Variants in CTNNA3 observed in about 807,000 individuals in gnomAD.
The protein encoded by CTNNA3 is catenin alpha 3, also known as catenin alpha-3.
CTNNA3 carries 76 observed loss-of-function variants against 95.7 expected under a neutral mutation model. The observed-to-expected ratio is 0.79, with a 90% confidence interval of 0.66 to 0.96. The LOEUF (loss-of-function observed/expected upper bound fraction) is 0.96, where lower values mean the gene tolerates loss of function less well. Ranked by LOEUF, CTNNA3 falls within the 40% of genes least tolerant of loss-of-function variation. The probability of loss-of-function intolerance (pLI) is 0.00; values close to 1 mark genes in which losing one functional copy is unlikely to be tolerated. For synonymous variants in CTNNA3, 431 were observed against 374.4 expected, an observed-to-expected ratio of 1.15 and a Z score of -1.74; for missense variants, 1,191 against 1,089.8, an observed-to-expected ratio of 1.09 and a Z score of -1.31.
chr10:66,269,046 A>C (rs779437170), intron 13 of CTNNA3, among the ~76,000 whole-genome samples: 53 of 152,202 alleles, frequency 3.5e-4, no homozygotes, highest in Non-Finnish European at 6.0e-4. Context: ...TGTTATTCTA[A>C]CTACTACAAA....
intron 3 of CTNNA3, among the ~76,000 whole-genome samples, chr10:67,603,306 G>A (rs1378516687): frequency 6.6e-6 from 1 of 152,164 alleles, no homozygotes; most frequent in African/African-American, 2.4e-5. Flanking sequence ...CAACAGATGC[G>A]TACATGACGG....
At chr10:65,976,130 T>C (rs1009562854) in intron 16 of CTNNA3, among the ~76,000 whole-genome samples, 2 of 152,176 alleles carry the variant, frequency 1.3e-5, no homozygotes, top group African/African-American at 4.8e-5. Context: ...AAACATAATC[T>C]GGCTACACCT....
intron 5 of CTNNA3, among the ~76,000 whole-genome samples, chr10:67,438,623 T>C (rs1028505408): frequency 6.6e-6 from 1 of 152,176 alleles, no homozygotes; most frequent in African/African-American, 2.4e-5. Context: ...TAACTTCATA[T>C]TGCTGAAAGA....
At chr10:67,361,050 TAA>T (rs1047395163) in intron 5 of CTNNA3, among the ~76,000 whole-genome samples, 9 of 149,892 alleles carry the variant, frequency 6.0e-5, no homozygotes, top group Non-Finnish European at 8.9e-5. Flanking sequence ...TACATAATGA[TAA>T]AGTGTTCAAT....
intron 9 of CTNNA3, among the ~76,000 whole-genome samples, chr10:66,694,607 T>C (rs1847687882): frequency 1.3e-5 from 2 of 152,320 alleles, no homozygotes; most frequent in East Asian, 1.9e-4. Flanking sequence ...CCCTAACTCA[T>C]TTTAATTTTT....
At chr10:66,662,521 C>A (rs1846298887) in intron 9 of CTNNA3, among the ~76,000 whole-genome samples, 1 of 152,082 alleles carries the variant, frequency 6.6e-6, no homozygotes, top group African/African-American at 2.4e-5. Context: ...ATAGAAGCAA[C>A]TGGAAGAGCT....
At chr10:66,856,799 T>G (rs1843700687) in intron 7 of CTNNA3, among the ~76,000 whole-genome samples, 1 of 152,128 alleles carries the variant, frequency 6.6e-6, no homozygotes, top group Non-Finnish European at 1.5e-5. Context: ...AGATTCTGAA[T>G]ATTAGACTTT....
At chr10:67,690,830 T>C (rs948056305) in intron 1 of CTNNA3, among the ~76,000 whole-genome samples, 1 of 152,074 alleles carries the variant, frequency 6.6e-6, no homozygotes, top group Non-Finnish European at 1.5e-5. Context: ...AATGAGTGCT[T>C]CCTTCATCTA....
At chr10:66,146,656 A>C (rs1276279626) in intron 13 of CTNNA3, among the ~76,000 whole-genome samples, 2 of 152,170 alleles carry the variant, frequency 1.3e-5, no homozygotes, top group Non-Finnish European at 2.9e-5. Flanking sequence ...TCCTGGGCTC[A>C]AGTGATCCAC....
At chr10:65,927,840 A>G (rs2077190411) in intron 17 of CTNNA3, among the ~76,000 whole-genome samples, 1 of 152,128 alleles carries the variant, frequency 6.6e-6, no homozygotes, top group South Asian at 2.1e-4. Flanking sequence ...TCTGTTGTTA[A>G]GTATGTTTCT....
chr10:67,146,634 T>C (rs568919316), intron 7 of CTNNA3, among the ~76,000 whole-genome samples: 2 of 152,346 alleles, frequency 1.3e-5, no homozygotes, highest in East Asian at 3.9e-4. Flanking sequence ...ACAGGATTGG[T>C]GGGATTTAAG....
At chr10:67,235,763 C>T (rs1174314628) in intron 5 of CTNNA3, among the ~76,000 whole-genome samples, 1 of 144,216 alleles carries the variant, frequency 6.9e-6, no homozygotes, top group Non-Finnish European at 1.5e-5. Context: ...GCAATCTACT[C>T]ATCTGACAAA....
At chr10:67,324,259 C>T (rs990169039) in intron 5 of CTNNA3, among the ~76,000 whole-genome samples, 26 of 152,042 alleles carry the variant, frequency 1.7e-4, no homozygotes, top group African/African-American at 6.3e-4. Context: ...ACTTCCAATA[C>T]TATGTTGAAT....
At chr10:67,138,495 C>T (rs1860397815) in intron 7 of CTNNA3, among the ~76,000 whole-genome samples, 1 of 152,196 alleles carries the variant, frequency 6.6e-6, no homozygotes, top group Non-Finnish European at 1.5e-5. Flanking sequence ...TCAAATATTT[C>T]TTAATCAGTT....
At chr10:66,671,980 A>AG (rs1379083967) in intron 9 of CTNNA3, among the ~76,000 whole-genome samples, 1 of 152,196 alleles carries the variant, frequency 6.6e-6, no homozygotes, top group Non-Finnish European at 1.5e-5. Context: ...GTCCAATGTT[A>AG]GGCCCTAGAC....
chr10:67,653,894 G>A (rs1170101405), intron 1 of CTNNA3, among the ~76,000 whole-genome samples: 2 of 152,146 alleles, frequency 1.3e-5, no homozygotes, highest in Non-Finnish European at 2.9e-5. Flanking sequence ...CCTGCTCAAC[G>A]AGTGCAAACC....
chr10:67,630,852 C>T (rs747669590), intron 2 of CTNNA3, among the ~76,000 whole-genome samples: 1 of 152,108 alleles, frequency 6.6e-6, no homozygotes, highest in Non-Finnish European at 1.5e-5. Context: ...TTTGTTATTA[C>T]TATTATTTTA....
At chr10:66,156,838 C>A (rs2084532089) in intron 13 of CTNNA3, among the ~76,000 whole-genome samples, 1 of 151,700 alleles carries the variant, frequency 6.6e-6, no homozygotes, top group Non-Finnish European at 1.5e-5. Context: ...CAATTTTAAT[C>A]TAAGTGTGTG....
At chr10:66,629,061 G>T (rs939123085) in intron 9 of CTNNA3, among the ~76,000 whole-genome samples, 2 of 152,020 alleles carry the variant, frequency 1.3e-5, no homozygotes, top group Non-Finnish European at 2.9e-5. Flanking sequence ...GATAAGAAAG[G>T]TTGCCCACAA....
Sources: allele counts gnomAD v4.1 joint callset (sites outside exome capture counted in the v4.1 genomes callset), GRCh38; gene constraint gnomAD v4.1.1; transcripts MANE v1.5; gene names NCBI Gene and HGNC (gene_info 2026-07-23, HGNC 2026-07-21).